The following COL12A1 variants were observed in gnomAD, a reference collection of about 807,000 sequenced individuals.
COL12A1 encodes collagen alpha-1(XII) chain.
In COL12A1, 114 loss-of-function variants were observed where a neutral mutation model predicts 349.7. That is an observed-to-expected ratio of 0.33 (90% confidence interval 0.28 to 0.38). COL12A1 has a LOEUF of 0.38. Ranked by LOEUF, COL12A1 falls within the 10% of genes least tolerant of loss-of-function variation. COL12A1 has a pLI of 1.00. For missense variants in COL12A1, 3,284 were observed against 3,756.9 expected, an observed-to-expected ratio of 0.87 and a Z score of 3.29; for synonymous variants, 1,369 against 1,329.0, an observed-to-expected ratio of 1.03 and a Z score of -0.66.
At chr6:75,179,779 GA>G (rs1183421825) in intron 11 of COL12A1, among the ~76,000 whole-genome samples, 1 of 152,168 alleles carries the variant, frequency 6.6e-6, no homozygotes, top group Non-Finnish European at 1.5e-5. Flanking sequence ...TTATGTTAAA[GA>G]ATAATTGCCT....
chr6:75,149,281 A>G (rs1767358762), intron 21 of COL12A1, among the ~76,000 whole-genome samples: 1 of 151,866 alleles, frequency 6.6e-6, no homozygotes, highest in Non-Finnish European at 1.5e-5. Flanking sequence ...GCACCACACA[A>G]CTTCCCTGCC....
chr6:75,111,245 G>C (rs1768826245), intron 51 of COL12A1, among the ~76,000 whole-genome samples: 1 of 151,662 alleles, frequency 6.6e-6, no homozygotes, highest in Non-Finnish European at 1.5e-5. Flanking sequence ...CTAAAAGAAA[G>C]ATTATTAAAA....
chr6:75,181,927 C>CAAAAAAAAAAAAAAAAAAA (rs547248236), intron 10 of COL12A1, among the ~76,000 whole-genome samples: 8 of 139,326 alleles, frequency 5.7e-5, no homozygotes, highest in African/African-American at 2.1e-4. Context: ...CCGTCTCTAC[C>CAAAAAAAAAAAAAAAAAAA]AAAAAAAAAA....
intron 13 of COL12A1, among the ~76,000 whole-genome samples, chr6:75,174,695 C>T (rs564119824): frequency 3.6e-4 from 55 of 152,250 alleles, no homozygotes; most frequent in Non-Finnish European, 6.6e-4. Flanking sequence ...TTGGGCAATC[C>T]AAACCTTTTT....
At chr6:75,108,070 C>CATTG (rs112482209) in intron 52 of COL12A1, among the ~76,000 whole-genome samples, 8,154 of 151,862 alleles carry the variant, frequency 0.054, 596 homozygotes, top group African/African-American at 0.16. Context: ...TATTGATTGA[C>CATTG]ATTGATTGAT....
chr6:75,090,363 GT>G lies in COL12A1; in HGVS notation c.8753-66del. The G allele has an allele frequency of 6.8e-7, 1 of 1,476,708 alleles. No individual in the cohort carries two copies. Among genetic ancestry groups the G allele is most frequent in the East Asian group, 2.3e-5 (1 of 43,130 alleles). The allele number at this position is 1,476,708 out of a possible 1,614,324, so 91.5% of individuals were successfully genotyped here. A position where few individuals can be genotyped will look rare whatever the true frequency, so the allele number is the denominator to read the frequency against. ...AAAGGACGGATGAGAGAGTGAAACT[GT>G]TTTCTCTTAGTGTCTAGTGAAATCC... On this transcript the variant is annotated intron_variant, in intron 62 of 65. Transcript: ENST00000322507. This position sits in a 1 kb window ranked among gnomAD's most constrained non-coding sequence, Gnocchi z 4.1.
chr6:75,093,017 G>A (rs1767847616), intron 60 of COL12A1, among the ~76,000 whole-genome samples: 1 of 152,106 alleles, frequency 6.6e-6, no homozygotes, highest in Non-Finnish European at 1.5e-5. Context: ...AGATCAAATA[G>A]CTTTCTCCCT....
intron 17 of COL12A1, among the ~76,000 whole-genome samples, chr6:75,152,705 T>C (rs1767554915): frequency 6.6e-6 from 1 of 152,166 alleles, no homozygotes; most frequent in African/African-American, 2.4e-5. Flanking sequence ...ATTATTTCAG[T>C]GGCCAATCTT....
In COL12A1 at chr6:75,117,457, T is replaced by A; in HGVS notation, c.7444A>T (p.Ile2482Phe). Residue 2482 changes from isoleucine to phenylalanine, a missense_variant, in exon 47 of 66, where the codon ATT becomes TTT. Ile to Phe is a conservative substitution (Grantham distance 21). Coordinates refer to ENST00000322507, the MANE Select transcript of COL12A1 (RefSeq NM_004370.6). ...ASKPSERHVF[I>F]VDDFESFEKI... ...TCAAAAGATTCAAAGTCGTCCACAA[T>A]GAACACGTGCCGTTCACTTGGTTTG... 6.2e-7 allele frequency: 1 copy of A among 1,613,782 alleles called. No individual in the cohort carries two copies. The highest frequency in any genetic ancestry group is 1.1e-5 in the South Asian group (1 of 91,080).
intron 21 of COL12A1, 66 bp downstream of exon 21, chr6:75,151,075 A>AAC: frequency 3.5e-6 from 1 of 284,110 alleles, no homozygotes; most frequent in Non-Finnish European, 6.9e-6. Flanking sequence ...CCCCCACCCA[A>AAC]AAGAATAATT....
At chr6:75,173,829 T>C (rs541381992) in intron 13 of COL12A1, among the ~76,000 whole-genome samples, 2 of 152,358 alleles carry the variant, frequency 1.3e-5, no homozygotes, top group African/African-American at 4.8e-5. Flanking sequence ...ATGGATATTT[T>C]GCTTAGTCAC....
At chr6:75,127,302 GACA>G (rs1309780563) in intron 38 of COL12A1, among the ~76,000 whole-genome samples, 1 of 152,114 alleles carries the variant, frequency 6.6e-6, no homozygotes, top group Non-Finnish European at 1.5e-5. Flanking sequence ...TCAGTCTGTA[GACA>G]ACAATATCAA....
intron 26 of COL12A1, among the ~76,000 whole-genome samples, chr6:75,142,884 C>T (rs1322998686): frequency 1.3e-5 from 2 of 152,222 alleles, no homozygotes; most frequent in African/African-American, 4.8e-5. Context: ...TGCTCCTCTT[C>T]ATTGCTGCAA....
chr6:75,109,098 T>G lies in COL12A1; in HGVS notation c.8020A>C (p.Ile2674Leu). Reference protein sequence around the residue: ...IDCYEIIEKDIKEAGNITTDG... With the variant: ...IDCYEIIEKDLKEAGNITTDG... ...GTTGTTATATTTCCAGCTTCCTTGA[T>G]GTCTTTTTCTATAATTTCATAGCAG... is the stretch of plus-strand genomic sequence containing the variant. The change falls in exon 52 of 66, where the codon ATC (isoleucine) becomes CTC (leucine). Residue 2674 changes from isoleucine to leucine, a missense_variant. Ile to Leu is a conservative substitution (Grantham distance 5, BLOSUM62 2). This residue lies in a region of COL12A1 where 683 missense variants were observed against 932.1 expected (regional missense o/e 0.73). Transcript: ENST00000322507. The G allele has an allele frequency of 1.2e-6, 2 of 1,610,878 alleles. No individual in the cohort carries two copies.
intron 22 of COL12A1, among the ~76,000 whole-genome samples, chr6:75,148,009 A>G (rs1430109466): frequency 6.6e-6 from 1 of 152,198 alleles, no homozygotes; most frequent in Non-Finnish European, 1.5e-5. Context: ...TATTTGTAAA[A>G]TGAATGGGTA....
At chr6:75,191,041 C>G (rs743005) in intron 5 of COL12A1, among the ~76,000 whole-genome samples, 129,344 of 151,776 alleles carry the variant, frequency 0.85, 56,021 homozygotes, top group Non-Finnish European at 0.93. Context: ...CAAGAAACCC[C>G]TTAAGGATCT....
At chr6:75,162,370 T>C (rs899313703) in intron 14 of COL12A1, among the ~76,000 whole-genome samples, 1 of 152,144 alleles carries the variant, frequency 6.6e-6, no homozygotes, top group Non-Finnish European at 1.5e-5. Context: ...TCTATAACCA[T>C]CTGATCTTTG....
At chr6:75,143,788 C>T (rs1192519784) in intron 25 of COL12A1, among the ~76,000 whole-genome samples, 2 of 152,076 alleles carry the variant, frequency 1.3e-5, no homozygotes, top group Non-Finnish European at 2.9e-5. Context: ...CCCTCAAGAA[C>T]GTGACAGAAA....
chr6:75,135,910 G>GGC (rs1766583621), intron 31 of COL12A1, among the ~76,000 whole-genome samples: 1 of 152,024 alleles, frequency 6.6e-6, no homozygotes, highest in African/African-American at 2.4e-5. Context: ...TAAGCAGAGG[G>GGC]GCATCTACCT....
Sources: allele counts gnomAD v4.1 joint callset (sites outside exome capture counted in the v4.1 genomes callset), GRCh38; gene constraint gnomAD v4.1.1; regional missense constraint gnomAD v4.1.1; non-coding constraint Gnocchi (gnomAD v3.1); transcripts MANE v1.5; gene names NCBI Gene and HGNC (gene_info 2026-07-23, HGNC 2026-07-21).